TUT7: variants seen among roughly 807,000 people sequenced by gnomAD.
TUT7 encodes terminal uridylyl transferase 7.
TUT7 carries 33 observed loss-of-function variants against 165.9 expected under a neutral mutation model. That is an observed-to-expected ratio of 0.20 (90% CI 0.15 to 0.27). The LOEUF (loss-of-function observed/expected upper bound fraction) is 0.27, where lower values mean the gene tolerates loss of function less well. TUT7 is among the 10% of genes least tolerant of loss of function. The pLI, the probability that TUT7 is intolerant of heterozygous loss-of-function variation, is 1.00. For synonymous variants in TUT7, 552 were observed against 608.1 expected (o/e 0.91, Z 1.36); for missense variants, 1,338 against 1,762.3 (o/e 0.76, Z 4.31).
intron 10 of TUT7, among the ~76,000 whole-genome samples, chr9:86,335,448 G>A (rs902626577): frequency 2.0e-5 from 3 of 152,178 alleles, no homozygotes; most frequent in African/African-American, 7.2e-5. Context: ...GAGGGTTGGA[G>A]TCTCCAACAT....
At chr9:86,315,299 C>T (rs1263841783) in intron 17 of TUT7, among the ~76,000 whole-genome samples, 1 of 152,104 alleles carries the variant, frequency 6.6e-6, no homozygotes, top group Non-Finnish European at 1.5e-5. Context: ...ATCTGTGTGC[C>T]TAAGTCATTT....
At chr9:86,301,154 G>T in intron 26 of TUT7, 122 bp downstream of exon 26, 1 of 917,642 alleles carries the variant, frequency 1.1e-6, no homozygotes, top group South Asian at 1.8e-5. Context: ...TTAAAAACAA[G>T]ATCTTTTTTG....
intron 10 of TUT7, among the ~76,000 whole-genome samples, chr9:86,330,485 G>A (rs1187701239): frequency 6.6e-6 from 1 of 152,208 alleles, no homozygotes; most frequent in African/African-American, 2.4e-5. Context: ...AATATTAGGC[G>A]TAGTGACTAT....
rs750150701 is a variant in TUT7 at position 86,323,297 on chromosome 9, T to A, written c.2453A>T (p.Glu818Val). The change falls in exon 13 of 27, where the codon GAA becomes GTA. Residue 818 changes from glutamate (E) to valine (V), a missense_variant. Glu to Val is a moderately radical substitution (Grantham distance 121). This residue lies in a region of TUT7 where 425 missense variants were observed against 474.9 expected (regional missense o/e 0.89). Transcript: ENST00000375963. ...AGAGTCTTCTAGTTCCTCAGTACCT[T>A]CTGTACTTTCTCCATCAAGATCAGC... is the stretch of plus-strand genomic sequence containing the variant. ...NKADLDGEST[E>V]GTEELEDSLN... 3 of 1,614,058 alleles carry A rather than the reference T, an allele frequency of 1.9e-6. No individual in the cohort carries two copies. In the Admixed American group the frequency reaches 5.0e-5, roughly 27 times the overall value.
At chr9:86,343,189 G>A (rs767220606) in intron 5 of TUT7, 26 bp from the exon 6 acceptor site, 4 of 1,359,348 alleles carry the variant, frequency 2.9e-6, no homozygotes, top group Admixed American at 2.1e-5. Context: ...ATAAATAAAA[G>A]TAATAAATAC....
intron 2 of TUT7, among the ~76,000 whole-genome samples, 169 bp from the exon 3 acceptor site, chr9:86,346,649 G>A (rs1831796680): frequency 6.6e-6 from 1 of 152,200 alleles, no homozygotes; most frequent in Non-Finnish European, 1.5e-5. Flanking sequence ...ACTGTATTCA[G>A]TGAGCACATC....
intron 14 of TUT7, among the ~76,000 whole-genome samples, chr9:86,320,507 A>G (rs1221295738): frequency 6.6e-6 from 1 of 152,250 alleles, no homozygotes; most frequent in Non-Finnish European, 1.5e-5. Flanking sequence ...AATTTTAGAA[A>G]TAATATTTCT....
intron 17 of TUT7, among the ~76,000 whole-genome samples, chr9:86,312,452 G>A (rs974367350): frequency 4.6e-5 from 7 of 151,674 alleles, no homozygotes; most frequent in African/African-American, 1.5e-4. Flanking sequence ...AGTGAGGAGC[G>A]TCTCCACCCG....
intron 26 of TUT7, among the ~76,000 whole-genome samples, chr9:86,296,274 G>C (rs938130999): frequency 1.3e-5 from 2 of 152,208 alleles, no homozygotes; most frequent in African/African-American, 4.8e-5. Context: ...ACTTGATAGA[G>C]GTCACACAAC....
intron 6 of TUT7, among the ~76,000 whole-genome samples, chr9:86,341,868 C>T (rs1019560800): frequency 1.3e-5 from 2 of 152,128 alleles, no homozygotes; most frequent in Admixed American, 6.5e-5. Flanking sequence ...TTTACCTGCA[C>T]AGCTCTCACT....
intron 1 of TUT7, 135 bp from the exon 2 acceptor site, chr9:86,353,365 C>G: frequency 1.4e-6 from 1 of 694,692 alleles, no homozygotes; most frequent in South Asian, 2.7e-5. Context: ...AATAAAAATT[C>G]TATCACATTC....
Position 86,323,166 on chromosome 9 carries a change from G to C in TUT7, c.2584C>G (p.Leu862Val). 6.2e-7 allele frequency: 1 copy of C among 1,614,110 alleles called. No homozygotes were observed. The highest frequency in any genetic ancestry group is 8.5e-7 in the Non-Finnish European group (1 of 1,180,016). ...EEEEEEEEPR[L>V]TINQREDEDG... ...TCATCTTCCCTTTGGTTAATGGTGA[G>C]CCTAGGTTCTTCTTCCTCCTCCTCT... The change falls in exon 13 of 27, where the codon CTC becomes GTC. Residue 862 changes from leucine (L) to valine (V), a missense_variant. Physicochemically the swap from Leu to Val is conservative, Grantham distance 32. Around this residue, in one of 7 missense-constraint regions of TUT7, gnomAD observed 425 missense variants for 474.9 expected, o/e 0.89. Transcript: ENST00000375963.
chr9:86,320,505 AAAT>A (rs1829168556), intron 14 of TUT7, among the ~76,000 whole-genome samples: 1 of 152,216 alleles, frequency 6.6e-6, no homozygotes, highest in Admixed American at 6.5e-5. Context: ...CAAATTTTAG[AAAT>A]AATATTTCTC....
At chr9:86,301,939 T>C (rs1826952425) in intron 25 of TUT7, 4 of 782,092 alleles carry the variant, frequency 5.1e-6, no homozygotes, top group Non-Finnish European at 6.2e-6. Context: ...ACGGCCTTTC[T>C]GGCACATTAG....
intron 26 of TUT7, among the ~76,000 whole-genome samples, chr9:86,289,591 T>A (rs1173765183): frequency 5.3e-5 from 8 of 151,894 alleles, no homozygotes; most frequent in African/African-American, 1.9e-4. Context: ...AATCCTGGGG[T>A]AGGGTAAGAG....
At chr9:86,341,083 T>C in intron 6 of TUT7, 30 bp from the exon 7 acceptor site, 1 of 1,587,302 alleles carries the variant, frequency 6.3e-7, no homozygotes, top group Non-Finnish European at 8.6e-7. Context: ...ATACATGAAA[T>C]TATTCCTAAG....
At chr9:86,316,610 A>T (rs1828743435) in intron 17 of TUT7, among the ~76,000 whole-genome samples, 1 of 152,248 alleles carries the variant, frequency 6.6e-6, no homozygotes, top group Non-Finnish European at 1.5e-5. Context: ...AAGGATTTAT[A>T]GCCTTTCTTG....
intron 26 of TUT7, chr9:86,298,937 G>T: frequency 4.9e-6 from 2 of 411,396 alleles, no homozygotes; most frequent in Non-Finnish European, 6.5e-6. Flanking sequence ...CATGTGGGTG[G>T]CAGAATTTTG....
intron 14 of TUT7, among the ~76,000 whole-genome samples, chr9:86,321,075 G>A (rs12683338): frequency 0.02 from 3,013 of 152,110 alleles, 84 homozygotes; most frequent in African/African-American, 0.063. Context: ...ATTTTTGGCC[G>A]GGAGCGGTGG....
Sources: allele counts gnomAD v4.1 joint callset (sites outside exome capture counted in the v4.1 genomes callset), GRCh38; gene constraint gnomAD v4.1.1; regional missense constraint gnomAD v4.1.1; transcripts MANE v1.5; gene names NCBI Gene and HGNC (gene_info 2026-07-23, HGNC 2026-07-21).